The following CRIM1 variants were observed in gnomAD, a reference collection of about 807,000 sequenced individuals.
CRIM1 encodes cysteine rich transmembrane BMP regulator 1.
Under a neutral mutation model 116.4 loss-of-function variants are expected in CRIM1, and 32 were observed. That is an observed-to-expected ratio of 0.27 (90% CI 0.21 to 0.37). The LOEUF is 0.37. Among genes scored for constraint, CRIM1 ranks in the 10% least tolerant of loss-of-function variants. The probability of loss-of-function intolerance (pLI) is 1.00; values close to 1 mark genes in which losing one functional copy is unlikely to be tolerated. For synonymous variants in CRIM1, 590 were observed against 509.2 expected, an observed-to-expected ratio of 1.16 and a Z score of -2.13; for missense variants, 1,331 against 1,354.8, an observed-to-expected ratio of 0.98 and a Z score of 0.28.
chr2:36,467,797 G>A (rs910259814), intron 5 of CRIM1, among the ~76,000 whole-genome samples: 2 of 152,194 alleles, frequency 1.3e-5, no homozygotes, highest in Non-Finnish European at 2.9e-5. Flanking sequence ...TGAAAAAGGA[G>A]ATAGGGTCAA....
In CRIM1 at chr2:36,374,501, C is replaced by T. The variant is rs79879749; in HGVS notation, c.331+17878C>T. Among the ~76,000 whole-genome samples the T allele has an allele frequency of 1.1e-4, 16 of 152,314 alleles. No homozygotes were observed. The East Asian group carries it at 3.1e-3, about 29-fold the overall frequency. On this transcript the variant is annotated intron_variant, in intron 1 of 16. Transcript: ENST00000280527. ...CTTACTCTGTAGACATCCTTCCCCC[C>T]ACACCCATCGTGTATGTTTTTTATC... is the stretch of plus-strand genomic sequence containing the variant.
At chr2:36,536,641 T>C (rs1666575519) in intron 13 of CRIM1, among the ~76,000 whole-genome samples, 1 of 152,038 alleles carries the variant, frequency 6.6e-6, no homozygotes, top group Admixed American at 6.5e-5. Flanking sequence ...GGAAAAGGCG[T>C]TGAGTCCCAG....
At chr2:36,430,405 G>C (rs1222925082) in intron 2 of CRIM1, among the ~76,000 whole-genome samples, 3 of 152,114 alleles carry the variant, frequency 2.0e-5, no homozygotes, top group Admixed American at 2.0e-4. Context: ...AAAATGTTTG[G>C]AGTACTATAA....
At chr2:36,538,102 A>AC (rs1324412720) in intron 14 of CRIM1, among the ~76,000 whole-genome samples, 1 of 152,060 alleles carries the variant, frequency 6.6e-6, no homozygotes, top group Non-Finnish European at 1.5e-5. Flanking sequence ...CACTGAGTGT[A>AC]CCCCAGCTGG....
chr2:36,512,472 T>C, intron 10 of CRIM1, 78 bp downstream of exon 10: 1 of 1,491,486 alleles, frequency 6.7e-7, no homozygotes, highest in Admixed American at 1.9e-5. Context: ...CACCCTGTAA[T>C]GAAATGGTTT....
Position 36,441,514 on chromosome 2 carries a change from C to T in CRIM1, c.748+14C>T. The T allele has an allele frequency of 6.2e-7, 1 of 1,605,272 alleles. No homozygotes were observed. Among genetic ancestry groups the T allele is most frequent in the Non-Finnish European group, 8.5e-7 (1 of 1,179,390 alleles). On this transcript the variant is annotated intron_variant, in intron 3 of 16. Coordinates refer to ENST00000280527, the MANE Select transcript of CRIM1 (RefSeq NM_016441.3). ...AGTGCAAACCAGGTATGCACGAGCT[C>T]TGTCTCAGCAGCCTTGTTCCTTTGC...
chr2:36,360,759 C>G (rs1416402254), intron 1 of CRIM1, among the ~76,000 whole-genome samples: 6 of 152,114 alleles, frequency 3.9e-5, no homozygotes, highest in African/African-American at 1.2e-4. Context: ...ACTACTCTCA[C>G]CACTCTGTAG....
rs937186096 is a variant in CRIM1, at chr2:36,444,576, A to G, written c.869+1841A>G. Among the ~76,000 whole-genome samples the G allele has an allele frequency of 5.3e-5, 8 of 152,234 alleles. No homozygotes were observed. The East Asian group carries it at 1.5e-3, about 29-fold the overall frequency. Reference sequence around the variant, plus strand: ...TGACTTCAGCATTCAAAAATGAAGAATGGCCAGAGTTAAATTTGCCTCTAA... The same window carrying G: ...TGACTTCAGCATTCAAAAATGAAGAGTGGCCAGAGTTAAATTTGCCTCTAA... On this transcript the variant is annotated intron_variant, in intron 4 of 16. Coordinates refer to ENST00000280527, the MANE Select transcript of CRIM1 (RefSeq NM_016441.3).
chr2:36,474,759 A>G lies in CRIM1; in HGVS notation c.992-2130A>G, dbSNP rs1442302000. ...GATACTTGGGAGGCTGAGGCAGGAG[A>G]ATCACTTGAACCCAGGAGGTAAAGG... On this transcript the variant is annotated intron_variant, in intron 5 of 16. Transcript: ENST00000280527. Among the ~76,000 whole-genome samples, 3 of 149,302 alleles carry G rather than the reference A, an allele frequency of 2.0e-5. No homozygotes were observed. The East Asian group carries it at 6.0e-4, about 30-fold the overall frequency.
chr2:36,506,181 TCACACACACACACACACACA>T (rs3076519), intron 8 of CRIM1, among the ~76,000 whole-genome samples: 58 of 120,870 alleles, frequency 4.8e-4, no homozygotes, highest in Non-Finnish European at 7.9e-4. Flanking sequence ...TCTCTCTCTC[TCACACACACACACACACACA>T]CACACACACA....
chr2:36,408,377 G>T (rs765078957), intron 2 of CRIM1, among the ~76,000 whole-genome samples: 1 of 152,186 alleles, frequency 6.6e-6, no homozygotes, highest in African/African-American at 2.4e-5. Context: ...AGGGCTCGGC[G>T]TGTGCTCTGT....
Position 36,502,713 on chromosome 2 carries a change from G to A in CRIM1, c.1501+3366G>A, listed in dbSNP as rs142165385. On this transcript the variant is annotated intron_variant, in intron 8 of 16. Coordinates refer to ENST00000280527, the MANE Select transcript of CRIM1 (RefSeq NM_016441.3). ...AACGTACAAATGTAAATTATTTTAA[G>A]AGGAAGCTTTGGTCCTTCAGCAGAA... 3.0e-3 allele frequency among the ~76,000 whole-genome samples: 462 copies of A among 152,280 alleles called. 1 individual carries two copies. The highest frequency in any genetic ancestry group is 5.0e-3 in the African/African-American group (208 of 41,562).
chr2:36,360,615 C>T (rs1669157870), intron 1 of CRIM1, among the ~76,000 whole-genome samples: 1 of 152,098 alleles, frequency 6.6e-6, no homozygotes, highest in South Asian at 2.1e-4. Flanking sequence ...AGTTTCTTTG[C>T]TTATCCCTGG....
At chr2:36,436,249 C>T (rs999315525) in intron 2 of CRIM1, among the ~76,000 whole-genome samples, 1 of 152,048 alleles carries the variant, frequency 6.6e-6, no homozygotes, top group Middle Eastern at 3.4e-3. Context: ...AATTGTACTA[C>T]ATTTAAGTGA....
intron 5 of CRIM1, among the ~76,000 whole-genome samples, chr2:36,468,078 C>T (rs1372574345): frequency 6.6e-6 from 1 of 152,180 alleles, no homozygotes; most frequent in African/African-American, 2.4e-5. Flanking sequence ...CATTGTTTCT[C>T]AATTTTGCAA....
At chr2:36,382,143 G>C (rs1302911639) in intron 1 of CRIM1, among the ~76,000 whole-genome samples, 1 of 152,192 alleles carries the variant, frequency 6.6e-6, no homozygotes, top group Non-Finnish European at 1.5e-5. Flanking sequence ...GGCAGAATCA[G>C]GATGCAGAAC....
At chr2:36,503,272 CT>C (rs1376867757) in intron 8 of CRIM1, among the ~76,000 whole-genome samples, 2 of 152,192 alleles carry the variant, frequency 1.3e-5, no homozygotes, top group Non-Finnish European at 2.9e-5. Context: ...GGGTTTGAAT[CT>C]TGGGTCCACC....
At chr2:36,536,365 T>C (rs1002049647) in intron 13 of CRIM1, among the ~76,000 whole-genome samples, 5 of 147,796 alleles carry the variant, frequency 3.4e-5, no homozygotes, top group African/African-American at 1.3e-4. Context: ...TAGATGCCTT[T>C]GTAGTTTTTC....
At chr2:36,430,689 T>C (rs1271197274) in intron 2 of CRIM1, among the ~76,000 whole-genome samples, 1 of 152,158 alleles carries the variant, frequency 6.6e-6, no homozygotes, top group Admixed American at 6.5e-5. Flanking sequence ...TGGAGATGCC[T>C]TCACAGAAGG....
Sources: gnomAD v4.1 joint callset for allele counts (sites outside exome capture counted in the v4.1 genomes callset) on GRCh38, gnomAD v4.1.1 for gene constraint, MANE v1.5 for transcripts, NCBI Gene and HGNC (gene_info 2026-07-23, HGNC 2026-07-21) for gene names.